ENTREP2: variants seen among roughly 807,000 people sequenced by gnomAD.
The protein encoded by ENTREP2 is endosomal transmembrane epsin interactor 2.
the ENTREP2 span, among the ~76,000 whole-genome samples, chr15:29,397,342 G>C: frequency 3.9e-5 from 6 of 152,248 alleles, no homozygotes; most frequent in Admixed American, 3.9e-4. Flanking sequence ...CGTGAGCCGA[G>C]ATTGTGCCAC....
the ENTREP2 span, among the ~76,000 whole-genome samples, chr15:29,469,950 T>C: frequency 2.6e-5 from 4 of 152,154 alleles, no homozygotes; most frequent in African/African-American, 9.7e-5. Context: ...TTTGTCTCCT[T>C]TTCCACATTC....
At chr15:29,395,145 C>A in the ENTREP2 span, among the ~76,000 whole-genome samples, 1 of 151,622 alleles carries the variant, frequency 6.6e-6, no homozygotes, top group African/African-American at 2.4e-5. Context: ...GCCTCGGCCT[C>A]CCAAAGTGCT....
the ENTREP2 span, among the ~76,000 whole-genome samples, chr15:29,273,715 C>T: frequency 6.6e-6 from 1 of 152,168 alleles, no homozygotes; most frequent in African/African-American, 2.4e-5. Context: ...GGCAGAAGAA[C>T]GTGGAAGGAC....
At chr15:29,649,842 G>A in the ENTREP2 span, among the ~76,000 whole-genome samples, 1 of 152,102 alleles carries the variant, frequency 6.6e-6, no homozygotes, top group East Asian at 1.9e-4. Context: ...GAGCAAGGAT[G>A]GCCTCTTGCT....
the ENTREP2 span, among the ~76,000 whole-genome samples, chr15:29,387,705 C>A: frequency 6.6e-6 from 1 of 152,148 alleles, no homozygotes; most frequent in Non-Finnish European, 1.5e-5. Flanking sequence ...CATCACACTA[C>A]CTGACTTCAA....
At chr15:29,366,825 G>A in the ENTREP2 span, among the ~76,000 whole-genome samples, 1 of 152,186 alleles carries the variant, frequency 6.6e-6, no homozygotes, top group East Asian at 1.9e-4. Context: ...AACACTCCAA[G>A]ATGATTAAGA....
At chr15:29,569,662 A>C in the ENTREP2 span, 5 of 152,182 alleles carry the variant, frequency 3.3e-5, no homozygotes, top group Non-Finnish European at 7.3e-5. Context: ...TATAGGAAAA[A>C]AACCGACTTT....
At chr15:29,666,310 C>T in the ENTREP2 span, among the ~76,000 whole-genome samples, 4 of 152,132 alleles carry the variant, frequency 2.6e-5, no homozygotes, top group African/African-American at 9.7e-5. Flanking sequence ...GGCCAATGAT[C>T]CAGCAGTCAG....
chr15:29,269,388 G>C, the ENTREP2 span: 1 of 1,614,186 alleles, frequency 6.2e-7, no homozygotes, highest in Non-Finnish European at 8.5e-7. Context: ...CGGCCCGCTT[G>C]ATCGGAATCT....
At chr15:29,398,711 G>A in the ENTREP2 span, among the ~76,000 whole-genome samples, 1 of 152,132 alleles carries the variant, frequency 6.6e-6, no homozygotes, top group Non-Finnish European at 1.5e-5. Flanking sequence ...GTGACAGAGC[G>A]AGACTCCGTC....
At chr15:29,301,783 T>C in the ENTREP2 span, among the ~76,000 whole-genome samples, 6 of 152,208 alleles carry the variant, frequency 3.9e-5, no homozygotes, top group African/African-American at 1.2e-4. Flanking sequence ...GTAACCTTAA[T>C]GAATGGAATT....
chr15:29,377,855 AT>A, the ENTREP2 span, among the ~76,000 whole-genome samples: 1 of 142,584 alleles, frequency 7.0e-6, no homozygotes, highest in Non-Finnish European at 1.5e-5. Context: ...AATAATAATA[AT>A]AATAATAAAA....
At chr15:29,470,534 G>T in the ENTREP2 span, among the ~76,000 whole-genome samples, 1 of 152,204 alleles carries the variant, frequency 6.6e-6, no homozygotes, top group African/African-American at 2.4e-5. Context: ...CTTCACCGCG[G>T]CTGCCGCTAC....
chr15:29,487,708 T>G, the ENTREP2 span, among the ~76,000 whole-genome samples: 1 of 152,246 alleles, frequency 6.6e-6, no homozygotes, highest in East Asian at 1.9e-4. Context: ...GTTCGTTTGT[T>G]TTGAGACAGG....
chr15:29,643,279 A>G, the ENTREP2 span, among the ~76,000 whole-genome samples: 1 of 152,190 alleles, frequency 6.6e-6, no homozygotes, highest in Non-Finnish European at 1.5e-5. Flanking sequence ...CAACTCAACA[A>G]TAAAAACACA....
chr15:29,195,027 G>T, the ENTREP2 span: 1 of 771,356 alleles, frequency 1.3e-6, no homozygotes, highest in Non-Finnish European at 1.6e-6. Flanking sequence ...AAAGGCCACA[G>T]CAGACCTCAG....
At chr15:29,564,213 C>G in the ENTREP2 span, among the ~76,000 whole-genome samples, 1 of 152,138 alleles carries the variant, frequency 6.6e-6, no homozygotes, top group Non-Finnish European at 1.5e-5. Flanking sequence ...CACTTGTTTC[C>G]CAGCATCAAG....
the ENTREP2 span, among the ~76,000 whole-genome samples, chr15:29,193,328 G>A: frequency 1.3e-5 from 2 of 152,174 alleles, no homozygotes; most frequent in Admixed American, 1.3e-4. Flanking sequence ...ATCGTCTGGG[G>A]ACCTGGATAG....
the ENTREP2 span, among the ~76,000 whole-genome samples, chr15:29,542,891 T>C: frequency 6.6e-6 from 1 of 152,216 alleles, no homozygotes; most frequent in African/African-American, 2.4e-5. Context: ...CATGTCATAG[T>C]ATGTGTCAGA....
Sources: gnomAD v4.1 joint callset for allele counts (sites outside exome capture counted in the v4.1 genomes callset) on GRCh38, gnomAD v4.1.1 for gene constraint, MANE v1.5 for transcripts, NCBI Gene and HGNC (gene_info 2026-07-23, HGNC 2026-07-21) for gene names.